Variants in AKR1C8 observed in about 807,000 individuals in gnomAD.
AKR1C8 encodes aldo-keto reductase family 1 member C8, also known as aldo-keto reductase family 1 member C-like protein 1.
chr10:5,120,696 GTTCA>G, the AKR1C8 span, among the ~76,000 whole-genome samples: 1 of 151,872 alleles, frequency 6.6e-6, no homozygotes, highest in Non-Finnish European at 1.5e-5. Flanking sequence ...ATTTTTGTTC[GTTCA>G]AAAATGTCTT....
the AKR1C8 span, among the ~76,000 whole-genome samples, chr10:5,138,122 G>A: frequency 6.6e-6 from 1 of 151,620 alleles, no homozygotes. Flanking sequence ...AGAAAACAGG[G>A]TTCGAAAGCA....
the AKR1C8 span, among the ~76,000 whole-genome samples, chr10:5,146,638 T>C: frequency 6.6e-6 from 1 of 152,210 alleles, no homozygotes; most frequent in Non-Finnish European, 1.5e-5. Flanking sequence ...TATGATACTT[T>C]TGAATAGTTA....
At chr10:5,181,984 A>T in the AKR1C8 span, among the ~76,000 whole-genome samples, 1 of 152,218 alleles carries the variant, frequency 6.6e-6, no homozygotes, top group Admixed American at 6.5e-5. Flanking sequence ...GAGTTAACAA[A>T]ATAGACTAAT....
chr10:5,172,346 T>C, the AKR1C8 span, among the ~76,000 whole-genome samples: 1 of 152,212 alleles, frequency 6.6e-6, no homozygotes, highest in Non-Finnish European at 1.5e-5. Context: ...GACAAGAAGT[T>C]ACCACATAAG....
chr10:5,184,964 G>T, the AKR1C8 span: 2 of 530,838 alleles, frequency 3.8e-6, no homozygotes, highest in South Asian at 2.8e-5. Context: ...TGACTGCCCT[G>T]CAAGTACAGC....
At chr10:5,174,959 A>G in the AKR1C8 span, among the ~76,000 whole-genome samples, 1 of 151,988 alleles carries the variant, frequency 6.6e-6, no homozygotes, top group Non-Finnish European at 1.5e-5. Flanking sequence ...ATAAAAAACA[A>G]GGTTTTCTTT....
chr10:5,151,385 G>A, the AKR1C8 span, among the ~76,000 whole-genome samples: 1 of 152,056 alleles, frequency 6.6e-6, no homozygotes, highest in Non-Finnish European at 1.5e-5. Context: ...TATCATCTTT[G>A]TTTCAAACTA....
At chr10:5,131,027 C>T in the AKR1C8 span, among the ~76,000 whole-genome samples, 1 of 151,762 alleles carries the variant, frequency 6.6e-6, no homozygotes, top group African/African-American at 2.4e-5. Context: ...ATAGAGAACC[C>T]AGAAATGAAG....
chr10:5,162,204 C>T, the AKR1C8 span, among the ~76,000 whole-genome samples: 2 of 152,184 alleles, frequency 1.3e-5, no homozygotes, highest in Middle Eastern at 6.8e-3. Context: ...GTGAGTAAAA[C>T]TAATAAGGGG....
At chr10:5,151,186 T>C in the AKR1C8 span, among the ~76,000 whole-genome samples, 4,791 of 152,212 alleles carry the variant, frequency 0.031, 257 homozygotes, top group African/African-American at 0.11. Flanking sequence ...CTGCAAAATA[T>C]CTCAAGCACT....
At chr10:5,118,974 T>C in the AKR1C8 span, among the ~76,000 whole-genome samples, 4 of 151,978 alleles carry the variant, frequency 2.6e-5, no homozygotes, top group African/African-American at 7.2e-5. Flanking sequence ...GGGAAGTCAG[T>C]GCCCCCTACT....
the AKR1C8 span, among the ~76,000 whole-genome samples, chr10:5,116,831 T>A: frequency 6.6e-6 from 1 of 152,320 alleles, no homozygotes; most frequent in East Asian, 1.9e-4. Context: ...CAGAACCATC[T>A]GTGAATGACT....
At chr10:5,126,760 C>G in the AKR1C8 span, among the ~76,000 whole-genome samples, 1 of 152,136 alleles carries the variant, frequency 6.6e-6, no homozygotes, top group African/African-American at 2.4e-5. Flanking sequence ...CTTGCCCACA[C>G]ACTGAGTATA....
chr10:5,172,566 T>C, the AKR1C8 span, among the ~76,000 whole-genome samples: 79,818 of 151,776 alleles, frequency 0.53, 21,994 homozygotes, highest in Non-Finnish European at 0.6. Context: ...GATTATTTTG[T>C]TTGGGCTGAG....
At chr10:5,160,320 A>C in the AKR1C8 span, among the ~76,000 whole-genome samples, 1 of 152,094 alleles carries the variant, frequency 6.6e-6, no homozygotes, top group Non-Finnish European at 1.5e-5. Context: ...GTCATAAGCA[A>C]AGGAGACTCT....
the AKR1C8 span, among the ~76,000 whole-genome samples, chr10:5,181,918 A>G: frequency 6.6e-6 from 1 of 152,216 alleles, no homozygotes; most frequent in African/African-American, 2.4e-5. Context: ...TTTCTAATAA[A>G]AAAACATGCA....
At chr10:5,171,786 T>A in the AKR1C8 span, among the ~76,000 whole-genome samples, 3 of 152,060 alleles carry the variant, frequency 2.0e-5, no homozygotes, top group Non-Finnish European at 4.4e-5. Flanking sequence ...ACACACAGAA[T>A]TTCCTTTACA....
At chr10:5,123,652 A>G in the AKR1C8 span, 2 of 1,461,228 alleles carry the variant, frequency 1.4e-6, no homozygotes, top group Non-Finnish European at 1.9e-6. Flanking sequence ...AGAGTACCAT[A>G]TAATTAAAAT....
chr10:5,126,104 C>T, the AKR1C8 span, among the ~76,000 whole-genome samples: 1 of 152,120 alleles, frequency 6.6e-6, no homozygotes, highest in Non-Finnish European at 1.5e-5. Context: ...GTCTAAACCT[C>T]TACCACCAAC....
Sources: allele counts gnomAD v4.1 joint callset (sites outside exome capture counted in the v4.1 genomes callset), GRCh38; gene constraint gnomAD v4.1.1; transcripts MANE v1.5; gene names NCBI Gene and HGNC (gene_info 2026-07-23, HGNC 2026-07-21).